TRANK1: variants seen among roughly 807,000 people sequenced by gnomAD.
TRANK1 encodes tetratricopeptide repeat and ankyrin repeat containing 1, also known as TPR and ankyrin repeat-containing protein 1.
Under a neutral mutation model 266.0 loss-of-function variants are expected in TRANK1, and 198 were observed. That is an observed-to-expected ratio of 0.74 (90% CI 0.66 to 0.84). The LOEUF is 0.84. Ranked by LOEUF, TRANK1 falls within the 40% of genes least tolerant of loss-of-function variation. The pLI is 0.00. For synonymous variants in TRANK1, 1,396 were observed against 1,384.1 expected (o/e 1.01, Z -0.19); for missense variants, 3,326 against 3,634.6 (o/e 0.92, Z 2.18).
At chr3:36,930,394 G>C (rs538517642) in intron 1 of TRANK1, among the ~76,000 whole-genome samples, 1 of 152,098 alleles carries the variant, frequency 6.6e-6, no homozygotes, top group Admixed American at 6.5e-5. Context: ...AGACTTTCCC[G>C]GTAGGAACTC....
chr3:36,827,949 G>T lies in TRANK1; in HGVS notation c.*326C>A. 1 of 240,110 alleles carries T rather than the reference G, an allele frequency of 4.2e-6. No homozygotes were observed. Among genetic ancestry groups the T allele is most frequent in the Non-Finnish European group, 8.3e-6 (1 of 120,664 alleles). The allele number at this position is 240,110 out of a possible 1,614,324, so 14.9% of individuals were successfully genotyped here. A position where few individuals can be genotyped will look rare whatever the true frequency, so the allele number is the denominator to read the frequency against. ...ACCTAGTCCTCTGCTACCAACTCAT[G>T]TCATGATGGGGATGAGCCAGACACC... On this transcript the variant is annotated 3_prime_UTR_variant, in exon 24 of 24. Coordinates refer to ENST00000645898, the MANE Select transcript of TRANK1 (RefSeq NM_001329998.2).
chr3:36,894,816 A>G (rs1224213637), intron 5 of TRANK1, among the ~76,000 whole-genome samples: 2 of 152,186 alleles, frequency 1.3e-5, no homozygotes, highest in South Asian at 2.1e-4. Flanking sequence ...CAGCTTTTGA[A>G]AGCCCAGGAG....
chr3:36,879,282 C>T (rs2079437759), intron 8 of TRANK1, among the ~76,000 whole-genome samples: 1 of 151,646 alleles, frequency 6.6e-6, no homozygotes, highest in Admixed American at 6.6e-5. Flanking sequence ...AGAATTTTCC[C>T]CAACATTTAG....
In TRANK1 at chr3:36,903,290, C is replaced by A; in HGVS notation, c.156-15G>T. 1 of 1,535,874 alleles carries A rather than the reference C, an allele frequency of 6.5e-7. No individual in the cohort carries two copies. The highest frequency in any genetic ancestry group is 8.7e-7 in the Non-Finnish European group (1 of 1,145,910). ...TCGGGGGAACCCTGTAAGAACAAACCGGTGGTCTGTCATGGTTCTGCAAAT... is the reference window on the plus strand; with the variant it reads ...TCGGGGGAACCCTGTAAGAACAAACAGGTGGTCTGTCATGGTTCTGCAAAT... On this transcript the variant is annotated splice_polypyrimidine_tract_variant and intron_variant, in intron 2 of 23. Coordinates refer to ENST00000645898, the MANE Select transcript of TRANK1 (RefSeq NM_001329998.2).
chr3:36,845,567 G>A (rs919858836), intron 17 of TRANK1, among the ~76,000 whole-genome samples: 1 of 152,074 alleles, frequency 6.6e-6, no homozygotes, highest in Admixed American at 6.5e-5. Flanking sequence ...GATATATACT[G>A]ATATGCATAA....
chr3:36,844,981 C>T (rs1329838580), intron 17 of TRANK1, among the ~76,000 whole-genome samples: 1 of 152,020 alleles, frequency 6.6e-6, no homozygotes, highest in Non-Finnish European at 1.5e-5. Context: ...CTGATTATTT[C>T]TCTTCTCAGT....
At chr3:36,903,860 A>C (rs1047086739) in intron 2 of TRANK1, among the ~76,000 whole-genome samples, 2 of 152,244 alleles carry the variant, frequency 1.3e-5, no homozygotes, top group African/African-American at 4.8e-5. Flanking sequence ...GGCCAGAAGA[A>C]AAAGGAAAAT....
At chr3:36,883,579 A>G (rs2079561684) in intron 8 of TRANK1, among the ~76,000 whole-genome samples, 1 of 151,856 alleles carries the variant, frequency 6.6e-6, no homozygotes, top group Non-Finnish European at 1.5e-5. Context: ...GTGTGTGTTC[A>G]TTGCTGCAAA....
chr3:36,835,495 T>C (rs1306410691), intron 20 of TRANK1, among the ~76,000 whole-genome samples: 1 of 152,118 alleles, frequency 6.6e-6, no homozygotes, highest in Non-Finnish European at 1.5e-5. Context: ...TGTGAGAATA[T>C]CTTTGTGACC....
chr3:36,869,062 A>G (rs748610507), intron 9 of TRANK1, among the ~76,000 whole-genome samples: 1 of 152,260 alleles, frequency 6.6e-6, no homozygotes, highest in African/African-American at 2.4e-5. Flanking sequence ...GGTGGTGGCT[A>G]TGAAAACTGG....
chr3:36,829,705 G>T (rs1286195678), intron 22 of TRANK1, 43 bp from the exon 23 acceptor site: 1 of 1,589,094 alleles, frequency 6.3e-7, no homozygotes, highest in Non-Finnish European at 8.6e-7. Flanking sequence ...AGATGCCATT[G>T]CAGGAACTAG....
chr3:36,834,375 T>TC (rs2078739052), intron 21 of TRANK1: 1 of 202,382 alleles, frequency 4.9e-6, no homozygotes, highest in South Asian at 1.5e-4. Flanking sequence ...ACACCAGTCT[T>TC]CCCCTTATTA....
rs550504967 is a variant in TRANK1, at chr3:36,935,328, G to A, written c.23+9459C>T. On this transcript the variant is annotated intron_variant, in intron 1 of 23. Coordinates refer to ENST00000645898, the MANE Select transcript of TRANK1 (RefSeq NM_001329998.2). The stretch of plus-strand genomic sequence containing the variant: ...TAATCCCCTGAATTATGATTTACTC[G>A]TTCTTTTGCCATATATTTCCCACCC... 7.9e-5 allele frequency among the ~76,000 whole-genome samples: 12 copies of A among 151,950 alleles called. No homozygotes were observed. The South Asian group carries it at 1.5e-3, about 18-fold the overall frequency.
At chr3:36,918,784 G>C (rs147446825) in intron 1 of TRANK1, among the ~76,000 whole-genome samples, 18 of 152,232 alleles carry the variant, frequency 1.2e-4, no homozygotes, top group African/African-American at 4.3e-4. Context: ...GTTACATCAT[G>C]ATACCCAAAA....
intron 20 of TRANK1, among the ~76,000 whole-genome samples, chr3:36,838,154 A>AACACAC (rs370889663): frequency 4.6e-5 from 7 of 151,186 alleles, no homozygotes; most frequent in Non-Finnish European, 7.4e-5. Flanking sequence ...TTAACACACA[A>AACACAC]ACACACACAC....
intron 20 of TRANK1, among the ~76,000 whole-genome samples, chr3:36,835,618 T>A (rs2078761627): frequency 6.6e-6 from 1 of 152,114 alleles, no homozygotes; most frequent in African/African-American, 2.4e-5. Context: ...AACTGATACA[T>A]CAAAACTGCT....
At position 36,908,394 on chromosome 3, in the gene TRANK1, A is replaced by G; in HGVS notation, c.84T>C (p.Asn28=). The change falls in exon 2 of 24, where the codon AAT becomes AAC. Residue 28 remains asparagine (N), a synonymous_variant. Coordinates refer to ENST00000645898, the MANE Select transcript of TRANK1 (RefSeq NM_001329998.2). ...TTCTGATGGCCAAAGAGAAGTTCCC[A>G]TTCTTAAGAACCTGGTTGCCGGATT... ...LKESGNQVLK[N]GNFSLAIRKY... The G allele has an allele frequency of 8.1e-7, 1 of 1,232,216 alleles. No homozygotes were observed. Among genetic ancestry groups the G allele is most frequent in the Non-Finnish European group, 1.0e-6 (1 of 988,000 alleles). The allele number at this position is 1,232,216 out of a possible 1,614,324, so 76.3% of individuals were successfully genotyped here.
chr3:36,926,387 A>G (rs1483062902), intron 1 of TRANK1, among the ~76,000 whole-genome samples: 1 of 152,226 alleles, frequency 6.6e-6, no homozygotes, highest in Non-Finnish European at 1.5e-5. Flanking sequence ...TAGCAGTCCC[A>G]TGATCTACAG....
In TRANK1 at chr3:36,857,795, A is replaced by T; in HGVS notation, c.1927T>A (p.Leu643Met). ...HRIKKNDSLL[L>M]AWNKALMENR... ...TCCATCAGAGCTTTGTTCCAGGCCA[A>T]GAGCAGAGAGTCGTTCTTCTTAATC... Residue 643 changes from leucine (L) to methionine (M), a missense_variant, in exon 13 of 24, where the codon TTG becomes ATG. Physicochemically the swap from Leu to Met is conservative, Grantham distance 15 (BLOSUM62 2). Transcript: ENST00000645898. The surrounding 1 kb of genome is among the most constrained non-coding windows in gnomAD (Gnocchi z 4.3). The T allele has an allele frequency of 6.2e-7, 1 of 1,614,006 alleles. No individual in the cohort carries two copies. Among genetic ancestry groups the T allele is most frequent in the East Asian group, 2.2e-5 (1 of 44,884 alleles).
Sources: allele counts gnomAD v4.1 joint callset (sites outside exome capture counted in the v4.1 genomes callset), GRCh38; gene constraint gnomAD v4.1.1; non-coding constraint Gnocchi (gnomAD v3.1); transcripts MANE v1.5; gene names NCBI Gene and HGNC (gene_info 2026-07-23, HGNC 2026-07-21).